The following ENOX1 variants were observed in gnomAD, a reference collection of about 807,000 sequenced individuals.
ENOX1 encodes ecto-NOX disulfide-thiol exchanger 1.
Under a neutral mutation model 82.5 loss-of-function variants are expected in ENOX1, and 42 were observed. The observed-to-expected ratio is 0.51, with a 90% confidence interval of 0.40 to 0.66. The LOEUF (loss-of-function observed/expected upper bound fraction) is 0.66. ENOX1 is among the 30% of genes least tolerant of loss of function. The pLI is 0.00. For missense variants in ENOX1, 608 were observed against 811.6 expected (o/e 0.75, Z 3.05); for synonymous variants, 271 against 282.2 (o/e 0.96, Z 0.40).
chr13:43,714,339 T>A (rs1386979877), intron 1 of ENOX1, among the ~76,000 whole-genome samples: 2 of 152,170 alleles, frequency 1.3e-5, no homozygotes, highest in African/African-American at 4.8e-5. Context: ...TCCAACTATG[T>A]GGTCAATTTT....
chr13:43,360,089 C>A (rs1464592374), intron 6 of ENOX1, 32 bp from the exon 7 acceptor site: 1 of 1,598,582 alleles, frequency 6.3e-7, no homozygotes, highest in Non-Finnish European at 8.6e-7. Context: ...AAAGTTTTAT[C>A]TTTCATTTAT....
chr13:43,466,937 T>C (rs2057752148), intron 3 of ENOX1, among the ~76,000 whole-genome samples: 1 of 152,224 alleles, frequency 6.6e-6, no homozygotes, highest in African/African-American at 2.4e-5. Flanking sequence ...GGTTTATCCA[T>C]TTTGTAGCAT....
At chr13:43,309,464 T>C (rs957819188) in intron 11 of ENOX1, among the ~76,000 whole-genome samples, 12 of 152,138 alleles carry the variant, frequency 7.9e-5, no homozygotes, top group African/African-American at 2.4e-4. Context: ...GAGAGTATCA[T>C]AGTGAGCTTG....
rs767775854 is a variant in ENOX1, at chr13:43,630,858, T to TACACAC, written c.-219+36620_-219+36621insGTGTGT. ...AACCACACACACACATATATATATA[T>TACACAC]ATACACACACACACACATATATATA... On this transcript the variant is annotated intron_variant, in intron 2 of 16. Transcript: ENST00000690772. 7.0e-3 allele frequency among the ~76,000 whole-genome samples: 574 copies of TACACAC among 82,052 alleles called. 7 individuals carry two copies. The highest frequency in any genetic ancestry group is 0.04 in the East Asian group (106 of 2,622). 53.8% of individuals were successfully genotyped at this position (82,052 alleles called of 152,430 possible). A position where few individuals can be genotyped will look rare whatever the true frequency, so the allele number is the denominator to read the frequency against.
chr13:43,475,794 CA>C (rs10624980), intron 3 of ENOX1, among the ~76,000 whole-genome samples: 5,620 of 71,016 alleles, frequency 0.079, 75 homozygotes, highest in Middle Eastern at 0.16. Context: ...CATAACTGAC[CA>C]AAAAAAAAAA....
chr13:43,442,351 G>A (rs968482051), intron 3 of ENOX1, among the ~76,000 whole-genome samples: 1 of 152,182 alleles, frequency 6.6e-6, no homozygotes, highest in Non-Finnish European at 1.5e-5. Flanking sequence ...GGCATAGCCT[G>A]AGAATGTGTT....
chr13:43,396,957 G>A (rs2053191902), intron 5 of ENOX1, among the ~76,000 whole-genome samples: 1 of 152,156 alleles, frequency 6.6e-6, no homozygotes, highest in Non-Finnish European at 1.5e-5. Context: ...GATAGAGCAG[G>A]GTAGGAGCAA....
At chr13:43,497,870 G>A (rs1361101031) in intron 2 of ENOX1, among the ~76,000 whole-genome samples, 2 of 151,740 alleles carry the variant, frequency 1.3e-5, no homozygotes, top group Non-Finnish European at 2.9e-5. Context: ...GTTCTTTGTG[G>A]GAAGCCTCTG....
chr13:43,435,930 T>TAA (rs367835483), intron 3 of ENOX1, among the ~76,000 whole-genome samples: 6,001 of 139,740 alleles, frequency 0.043, 191 homozygotes, highest in Non-Finnish European at 0.066. Flanking sequence ...CTCAAAGGAT[T>TAA]AAAAAAAAAA....
chr13:43,632,138 T>C (rs1014275246), intron 2 of ENOX1, among the ~76,000 whole-genome samples: 1 of 152,206 alleles, frequency 6.6e-6, no homozygotes, highest in African/African-American at 2.4e-5. Context: ...GAGAAAGCCC[T>C]TTAAGTACTG....
At chr13:43,590,413 T>C (rs2081191448) in intron 2 of ENOX1, among the ~76,000 whole-genome samples, 4 of 151,950 alleles carry the variant, frequency 2.6e-5, no homozygotes, top group African/African-American at 9.7e-5. Context: ...AAAGACACCA[T>C]AAAGAAAATG....
intron 2 of ENOX1, among the ~76,000 whole-genome samples, chr13:43,639,688 T>A (rs971355763): frequency 5.9e-5 from 9 of 152,192 alleles, no homozygotes; most frequent in Non-Finnish European, 5.9e-5. Context: ...ATACTTCACA[T>A]GTATATGTGA....
intron 1 of ENOX1, among the ~76,000 whole-genome samples, chr13:43,744,556 C>T (rs948902340): frequency 5.9e-5 from 9 of 152,102 alleles, no homozygotes; most frequent in Non-Finnish European, 1.2e-4. Flanking sequence ...GAATGGAAGA[C>T]GTGATGAACT....
intron 2 of ENOX1, among the ~76,000 whole-genome samples, chr13:43,516,547 C>T (rs915613631): frequency 1.3e-5 from 2 of 152,156 alleles, no homozygotes; most frequent in African/African-American, 4.8e-5. Context: ...ATCATGTTTC[C>T]CTGCTCTGCA....
intron 3 of ENOX1, among the ~76,000 whole-genome samples, chr13:43,451,991 G>A (rs556543346): frequency 6.6e-6 from 1 of 152,330 alleles, no homozygotes; most frequent in South Asian, 2.1e-4. Context: ...CAGTGGTTAA[G>A]GAAGGCCTCA....
chr13:43,711,227 T>C (rs1209209018), intron 1 of ENOX1, among the ~76,000 whole-genome samples: 1 of 152,074 alleles, frequency 6.6e-6, no homozygotes, highest in Non-Finnish European at 1.5e-5. Context: ...GTTTCATCCA[T>C]GTCCCTACAA....
At chr13:43,453,484 G>T (rs1417955141) in intron 3 of ENOX1, among the ~76,000 whole-genome samples, 2 of 152,154 alleles carry the variant, frequency 1.3e-5, no homozygotes, top group Non-Finnish European at 2.9e-5. Context: ...ACCTTTAATG[G>T]AAGATTAATT....
Position 43,265,439 on chromosome 13 carries a change from C to A in ENOX1, c.1570G>T (p.Glu524Ter). The stretch of plus-strand genomic sequence containing the variant: ...CTGTGGCCATTGGTCTCGACCAATT[C>A]CTTGGTACCTTTTAACTGCAAATTT... ...VLQEQLKGTK[E>*]LVETNGHSHE... The change falls in exon 14 of 17, where the codon GAA becomes TAA. Residue 524 changes from glutamate to a stop codon, truncating the protein, a stop_gained. Transcript: ENST00000690772. LOFTEE classifies it high-confidence loss of function. 1 of 1,611,492 alleles carries A rather than the reference C, an allele frequency of 6.2e-7. No individual in the cohort carries two copies. Among genetic ancestry groups the A allele is most frequent in the South Asian group, 1.1e-5 (1 of 90,456 alleles).
At chr13:43,329,153 T>G (rs759109427) in intron 9 of ENOX1, among the ~76,000 whole-genome samples, 1 of 151,686 alleles carries the variant, frequency 6.6e-6, no homozygotes, top group Non-Finnish European at 1.5e-5. Context: ...TGGTATAGAG[T>G]TGTGGGAGGA....
Sources: gnomAD v4.1 joint callset for allele counts (sites outside exome capture counted in the v4.1 genomes callset) on GRCh38, gnomAD v4.1.1 for gene constraint, MANE v1.5 for transcripts, NCBI Gene and HGNC (gene_info 2026-07-23, HGNC 2026-07-21) for gene names.